The following RALGPS2 variants were observed in gnomAD, a reference collection of about 807,000 sequenced individuals.
The protein encoded by RALGPS2 is Ral GEF with PH domain and SH3 binding motif 2.
A neutral mutation model predicts 86.8 loss-of-function variants in RALGPS2; 43 were observed. The observed-to-expected ratio is 0.50, with a 90% confidence interval of 0.39 to 0.64. The LOEUF is 0.64. RALGPS2 is among the 30% of genes least tolerant of loss of function. RALGPS2 has a pLI of 0.00. For synonymous variants in RALGPS2, 243 were observed against 231.3 expected, an observed-to-expected ratio of 1.05 and a Z score of -0.46; for missense variants, 536 against 694.6, an observed-to-expected ratio of 0.77 and a Z score of 2.57.
intron 7 of RALGPS2, among the ~76,000 whole-genome samples, chr1:178,831,518 C>A (rs1175659465): frequency 6.6e-6 from 1 of 152,004 alleles, no homozygotes; most frequent in South Asian, 2.1e-4. Flanking sequence ...TGTGGGTCTC[C>A]TCTTTCATTA....
chr1:178,851,020 C>T (rs1333526100), intron 8 of RALGPS2: 4 of 1,071,634 alleles, frequency 3.7e-6, no homozygotes, highest in Non-Finnish European at 5.1e-6. Flanking sequence ...ATTTTAAAAA[C>T]TTTCTGTGTA....
intron 3 of RALGPS2, among the ~76,000 whole-genome samples, chr1:178,785,340 A>G (rs1415500587): frequency 6.6e-6 from 1 of 151,906 alleles, no homozygotes; most frequent in African/African-American, 2.4e-5. Context: ...TTATTTTTTA[A>G]CTTTACACAA....
Position 178,918,090 on chromosome 1 carries a change from T to G in RALGPS2, c.*1731T>G, listed in dbSNP as rs1337736583. ...AATTTAGTATTCTGTTTGGAAAAGATGTTAAGAGTTCAAATATGCTTCTTA... is the reference window on the plus strand; with the variant it reads ...AATTTAGTATTCTGTTTGGAAAAGAGGTTAAGAGTTCAAATATGCTTCTTA... On this transcript the variant is annotated 3_prime_UTR_variant, in exon 20 of 20. Transcript: ENST00000367635. The G allele has an allele frequency of 6.6e-6, 1 of 152,182 alleles. No homozygotes were observed. Among genetic ancestry groups the G allele is most frequent in the African/African-American group, 2.4e-5 (1 of 41,456 alleles). 9.4% of individuals were successfully genotyped at this position (152,182 alleles called of 1,614,324 possible).
chr1:178,876,406 G>A (rs948146807), intron 8 of RALGPS2, among the ~76,000 whole-genome samples: 1 of 152,094 alleles, frequency 6.6e-6, no homozygotes, highest in African/African-American at 2.4e-5. Flanking sequence ...TACTATCTAT[G>A]TATTTCAGGT....
chr1:178,915,667 G>A (rs1660784088), intron 19 of RALGPS2, among the ~76,000 whole-genome samples: 1 of 152,190 alleles, frequency 6.6e-6, no homozygotes, highest in South Asian at 2.1e-4. Context: ...GCTGACACTT[G>A]TAAGGTATTT....
At chr1:178,864,749 T>C (rs1197359644) in intron 8 of RALGPS2, among the ~76,000 whole-genome samples, 1 of 152,104 alleles carries the variant, frequency 6.6e-6, no homozygotes, top group Non-Finnish European at 1.5e-5. Context: ...CAGAATACAT[T>C]AAGTTTTTAT....
chr1:178,896,259 G>A (rs918077844), intron 16 of RALGPS2, among the ~76,000 whole-genome samples: 7 of 151,892 alleles, frequency 4.6e-5, no homozygotes, highest in Non-Finnish European at 1.0e-4. Flanking sequence ...AGAAGTAGAG[G>A]CAAGATTTAG....
intron 1 of RALGPS2, among the ~76,000 whole-genome samples, chr1:178,763,080 C>G (rs1377490451): frequency 6.6e-6 from 1 of 152,156 alleles, no homozygotes; most frequent in African/African-American, 2.4e-5. Context: ...TCCACTTATC[C>G]CAGCACCATT....
chr1:178,877,647 G>T lies in RALGPS2; in HGVS notation c.745+12G>T. ...GTCTTGTGAATATGGTAAGTTTCTA[G>T]GGGATAATGCCAAGCCATTAAGATT... On this transcript the variant is annotated intron_variant, in intron 9 of 19. Transcript: ENST00000367635. 1 of 1,612,092 alleles carries T rather than the reference G, an allele frequency of 6.2e-7. No individual in the cohort carries two copies. The highest frequency in any genetic ancestry group is 8.5e-7 in the Non-Finnish European group (1 of 1,178,782).
chr1:178,895,504 G>T (rs1659901806), intron 16 of RALGPS2, among the ~76,000 whole-genome samples: 1 of 152,060 alleles, frequency 6.6e-6, no homozygotes, highest in South Asian at 2.1e-4. Context: ...GAATGATGGG[G>T]CAAGGAGGGA....
In RALGPS2 at chr1:178,807,369, G is replaced by T. The variant is rs538360057; in HGVS notation, c.214-676G>T. On this transcript the variant is annotated intron_variant, in intron 4 of 19. Coordinates refer to ENST00000367635, the MANE Select transcript of RALGPS2 (RefSeq NM_152663.5). ...AAATAACTACCATAAGTTTGAAGCA[G>T]TGATGAGTGTAAATGATATTTTTAA... Among the ~76,000 whole-genome samples the T allele has an allele frequency of 5.9e-5, 9 of 152,206 alleles. No homozygotes were observed. The South Asian group carries it at 1.2e-3, about 21-fold the overall frequency.
At chr1:178,912,420 A>C (rs1347199009) in intron 19 of RALGPS2, among the ~76,000 whole-genome samples, 1 of 151,914 alleles carries the variant, frequency 6.6e-6, no homozygotes, top group East Asian at 1.9e-4. Flanking sequence ...TCTGAAAAGG[A>C]TTTTCTGTTT....
intron 1 of RALGPS2, among the ~76,000 whole-genome samples, chr1:178,767,141 T>C (rs986840118): frequency 6.6e-6 from 1 of 152,228 alleles, no homozygotes; most frequent in Admixed American, 6.5e-5. Flanking sequence ...AATTTTTTGA[T>C]TGGGCTTTGA....
At chr1:178,860,201 A>C (rs1355509490) in intron 8 of RALGPS2, among the ~76,000 whole-genome samples, 1 of 152,158 alleles carries the variant, frequency 6.6e-6, no homozygotes, top group Non-Finnish European at 1.5e-5. Flanking sequence ...TTAATAAAAG[A>C]CTAACCCAAA....
At chr1:178,890,257 A>T (rs1055666434) in intron 14 of RALGPS2, among the ~76,000 whole-genome samples, 1 of 151,948 alleles carries the variant, frequency 6.6e-6, no homozygotes, top group Non-Finnish European at 1.5e-5. Context: ...ATCTGCCTGT[A>T]GCAAATATCA....
At chr1:178,901,669 C>T (rs1660179321) in intron 17 of RALGPS2, among the ~76,000 whole-genome samples, 1 of 147,972 alleles carries the variant, frequency 6.8e-6, no homozygotes. Context: ...GCCTGGGCAA[C>T]AGAGTGAGAC....
intron 8 of RALGPS2, chr1:178,852,601 T>G: frequency 6.9e-7 from 1 of 1,443,656 alleles, no homozygotes. Context: ...TGAAAAGACT[T>G]TAGTAGCATA....
intron 8 of RALGPS2, among the ~76,000 whole-genome samples, chr1:178,846,873 A>G (rs1045132119): frequency 1.6e-4 from 24 of 152,226 alleles, no homozygotes; most frequent in African/African-American, 5.3e-4. Flanking sequence ...ACTTAGGCCT[A>G]TATAGCTGAC....
At chr1:178,762,134 G>A (rs1572298006) in intron 1 of RALGPS2, among the ~76,000 whole-genome samples, 2 of 152,048 alleles carry the variant, frequency 1.3e-5, no homozygotes, top group Non-Finnish European at 2.9e-5. Context: ...TCCTGTGTTC[G>A]CTTAGGATAA....
Sources: gnomAD v4.1 joint callset for allele counts (sites outside exome capture counted in the v4.1 genomes callset) on GRCh38, gnomAD v4.1.1 for gene constraint, MANE v1.5 for transcripts, NCBI Gene and HGNC (gene_info 2026-07-23, HGNC 2026-07-21) for gene names.